The following UNC13C variants were observed in gnomAD, a reference collection of about 807,000 sequenced individuals.
The protein encoded by UNC13C is unc-13 homolog C, also known as protein unc-13 homolog C.
A neutral mutation model predicts 245.4 loss-of-function variants in UNC13C; 174 were observed. That is an observed-to-expected ratio of 0.71 (90% CI 0.63 to 0.80). UNC13C has a LOEUF of 0.80. Ranked by LOEUF, UNC13C falls within the 30% of genes least tolerant of loss-of-function variation. The probability of loss-of-function intolerance (pLI) is 0.00; values close to 1 mark genes in which losing one functional copy is unlikely to be tolerated. For synonymous variants in UNC13C, 992 were observed against 895.1 expected (o/e 1.11, Z -1.93); for missense variants, 2,829 against 2,602.9 (o/e 1.09, Z -1.89).
At chr15:54,006,119 T>G (rs1595703234) in intron 1 of UNC13C, among the ~76,000 whole-genome samples, 1 of 152,144 alleles carries the variant, frequency 6.6e-6, no homozygotes. Flanking sequence ...TGAGATACTA[T>G]CCTTACAAGA....
intron 4 of UNC13C, among the ~76,000 whole-genome samples, chr15:54,146,568 G>A (rs1275408956): frequency 6.6e-6 from 1 of 152,162 alleles, no homozygotes; most frequent in Non-Finnish European, 1.5e-5. Flanking sequence ...GACAGGCTCT[G>A]GGGAAAAACT....
At chr15:54,494,335 T>C (rs1475537158) in intron 19 of UNC13C, among the ~76,000 whole-genome samples, 4 of 152,160 alleles carry the variant, frequency 2.6e-5, no homozygotes, top group Non-Finnish European at 5.9e-5. Flanking sequence ...ATGTTATTAC[T>C]CTGTAACTAC....
intron 2 of UNC13C, among the ~76,000 whole-genome samples, chr15:54,081,753 T>C (rs1318100016): frequency 6.6e-6 from 1 of 152,158 alleles, no homozygotes; most frequent in African/African-American, 2.4e-5. Flanking sequence ...TTTTCCACTC[T>C]ATGTCTTTTA....
At chr15:53,978,369 A>G (rs1349891996), upstream of UNC13C, among the ~76,000 whole-genome samples, 1 of 151,582 alleles carries the variant, frequency 6.6e-6, no homozygotes, top group African/African-American at 2.4e-5. Flanking sequence ...ACGCCGTGCT[A>G]CGGCGGCAGG....
At chr15:54,076,378 G>A (rs945580901) in intron 2 of UNC13C, among the ~76,000 whole-genome samples, 5 of 150,466 alleles carry the variant, frequency 3.3e-5, no homozygotes, top group African/African-American at 7.4e-5. Context: ...TTGTTCTTGC[G>A]ATAGTTTACT....
intron 2 of UNC13C, among the ~76,000 whole-genome samples, chr15:54,066,727 G>A (rs16974017): frequency 1.2e-3 from 181 of 152,248 alleles, no homozygotes; most frequent in African/African-American, 4.2e-3. Context: ...GAGTAGTGGA[G>A]ACCAGAGATG....
At chr15:54,492,723 G>A (rs1039697249) in intron 19 of UNC13C, among the ~76,000 whole-genome samples, 1 of 152,170 alleles carries the variant, frequency 6.6e-6, no homozygotes, top group African/African-American at 2.4e-5. Flanking sequence ...AATTTGGCAA[G>A]TTAATTAGTT....
the UNC13C span, among the ~76,000 whole-genome samples, chr15:53,898,648 T>C: frequency 3.8e-4 from 58 of 152,300 alleles, no homozygotes; most frequent in African/African-American, 1.3e-3. Flanking sequence ...ATTCTGGCTT[T>C]ATTGAGGTAT....
At chr15:54,524,018 T>C (rs1314061076) in intron 24 of UNC13C, among the ~76,000 whole-genome samples, 6 of 152,246 alleles carry the variant, frequency 3.9e-5, no homozygotes. Flanking sequence ...CACATATGTT[T>C]TCTTGGTTAG....
Position 54,441,015 on chromosome 15 carries a change from C to G in UNC13C, c.4933+25948C>G, listed in dbSNP as rs534348434. Among the ~76,000 whole-genome samples, 10 of 151,892 alleles carry G rather than the reference C, an allele frequency of 6.6e-5. No individual in the cohort carries two copies. The South Asian group carries it at 2.1e-3, about 31-fold the overall frequency. On this transcript the variant is annotated intron_variant, in intron 19 of 32. Transcript: ENST00000260323. ...ACTTTTTGATGAGATTATTTATTTT[C>G]TTACTGTTGAGTTATTTGAGTTCCT...
the UNC13C span, among the ~76,000 whole-genome samples, chr15:53,870,438 A>G: frequency 3.2e-5 from 4 of 124,882 alleles, no homozygotes; most frequent in Non-Finnish European, 6.7e-5. Context: ...CCCCACCCCC[A>G]CACTGGCTGG....
intron 19 of UNC13C, among the ~76,000 whole-genome samples, chr15:54,462,494 C>T (rs766420551): frequency 1.5e-4 from 23 of 152,282 alleles, no homozygotes; most frequent in African/African-American, 4.8e-4. Context: ...GCACTGCACT[C>T]GCGGGCCAGC....
intron 19 of UNC13C, among the ~76,000 whole-genome samples, chr15:54,488,943 T>C (rs1279865498): frequency 2.0e-5 from 3 of 152,180 alleles, no homozygotes; most frequent in African/African-American, 7.2e-5. Flanking sequence ...TCAGTTGAGA[T>C]TGATGCCATT....
At chr15:54,447,997 G>A (rs1241345281) in intron 19 of UNC13C, among the ~76,000 whole-genome samples, 1 of 152,172 alleles carries the variant, frequency 6.6e-6, no homozygotes, top group Non-Finnish European at 1.5e-5. Context: ...TGGTTTCAAA[G>A]AACATCTTTA....
chr15:54,072,322 G>T (rs1162364521), intron 2 of UNC13C, among the ~76,000 whole-genome samples: 1 of 152,102 alleles, frequency 6.6e-6, no homozygotes, highest in African/African-American at 2.4e-5. Context: ...TTCACACCAT[G>T]GGGATTTTGC....
intron 2 of UNC13C, among the ~76,000 whole-genome samples, chr15:54,100,210 T>C (rs1199352551): frequency 2.0e-5 from 3 of 152,072 alleles, no homozygotes; most frequent in Non-Finnish European, 4.4e-5. Context: ...CTATTTGTTG[T>C]CTCTACTTCT....
At chr15:54,177,474 A>T (rs1229061296) in intron 4 of UNC13C, among the ~76,000 whole-genome samples, 1 of 152,170 alleles carries the variant, frequency 6.6e-6, no homozygotes, top group Non-Finnish European at 1.5e-5. Context: ...AAATACAGGT[A>T]GGCATTATAT....
chr15:54,562,312 G>T (rs532891316), intron 29 of UNC13C, among the ~76,000 whole-genome samples: 1 of 152,100 alleles, frequency 6.6e-6, no homozygotes, highest in East Asian at 1.9e-4. Flanking sequence ...TTAACTGATA[G>T]CCTAAGAGGT....
At chr15:54,321,067 T>C (rs1268265352) in intron 13 of UNC13C, 1 of 481,860 alleles carries the variant, frequency 2.1e-6, no homozygotes, top group Non-Finnish European at 4.1e-6. Context: ...ACCGCCTCCA[T>C]GGCCACCACC....
Sources: allele counts gnomAD v4.1 joint callset (sites outside exome capture counted in the v4.1 genomes callset), GRCh38; gene constraint gnomAD v4.1.1; transcripts MANE v1.5; gene names NCBI Gene and HGNC (gene_info 2026-07-23, HGNC 2026-07-21).